The following KIAA1671 variants were observed in gnomAD, a reference collection of about 807,000 sequenced individuals.
KIAA1671 encodes uncharacterized protein KIAA1671.
A neutral mutation model predicts 131.2 loss-of-function variants in KIAA1671; 52 were observed. That is an observed-to-expected ratio of 0.40 (90% CI 0.32 to 0.50). KIAA1671 has a LOEUF of 0.50. KIAA1671 is among the 20% of genes least tolerant of loss of function. KIAA1671 has a pLI of 0.73. For missense variants in KIAA1671, 2,360 were observed against 2,364.2 expected (o/e 1.00, Z 0.04); for synonymous variants, 1,003 against 961.6 (o/e 1.04, Z -0.80).
intron 1 of KIAA1671, among the ~76,000 whole-genome samples, chr22:24,974,584 G>C (rs111606450): frequency 1.6e-4 from 24 of 151,048 alleles, no homozygotes; most frequent in African/African-American, 5.6e-4. Flanking sequence ...CTTGATATGT[G>C]TATACCACCT....
At chr22:25,041,871 A>G (rs1369698984) in intron 5 of KIAA1671, among the ~76,000 whole-genome samples, 2 of 152,148 alleles carry the variant, frequency 1.3e-5, no homozygotes, top group African/African-American at 2.4e-5. Flanking sequence ...CAGCCTCCCA[A>G]ATAGCTGGGA....
intron 1 of KIAA1671, among the ~76,000 whole-genome samples, chr22:24,973,747 T>A (rs1282745377): frequency 1.3e-5 from 2 of 152,138 alleles, no homozygotes; most frequent in African/African-American, 4.8e-5. Flanking sequence ...CTGTCTCTAC[T>A]ATGGAAATAT....
Position 25,029,080 on chromosome 22 carries a change from A to G in KIAA1671, c.1081A>G (p.Lys361Glu). ...IRERKEKMLS[K>E]PEMGSPRALV... ...TGAACGGAAGGAGAAGATGCTTTCG[A>G]AGCCGGAGATGGGCAGCCCCAGAGC... Residue 361 changes from lysine to glutamate, a missense_variant, in exon 3 of 13, where the codon AAG becomes GAG. Physicochemically the swap from Lys to Glu is moderately conservative, Grantham distance 56. Transcript: ENST00000358431. 3.3e-6 allele frequency: 5 copies of G among 1,497,078 alleles called. No individual in the cohort carries two copies. The highest frequency in any genetic ancestry group is 4.5e-6 in the Non-Finnish European group (5 of 1,120,970). 92.7% of individuals were successfully genotyped at this position (1,497,078 alleles called of 1,614,324 possible). A position where few individuals can be genotyped will look rare whatever the true frequency, so the allele number is the denominator to read the frequency against.
chr22:25,016,262 G>A (rs1925313405), intron 1 of KIAA1671, among the ~76,000 whole-genome samples: 1 of 151,936 alleles, frequency 6.6e-6, no homozygotes, highest in African/African-American at 2.4e-5. Flanking sequence ...CTCGTGATCC[G>A]CCCGCCTCGG....
At position 25,181,691 on chromosome 22, in the gene KIAA1671, T is replaced by G; in HGVS notation, c.5075-8T>G. On this transcript the variant is annotated splice_region_variant and splice_polypyrimidine_tract_variant and intron_variant, in intron 9 of 12. Transcript: ENST00000358431. ...CTGATGAATTCAGTGCCCTTTTCTT[T>G]GCAACAGAGGAGAAATCACCCAGGA... 6.4e-7 allele frequency: 1 copy of G among 1,551,324 alleles called. No homozygotes were observed. Among genetic ancestry groups the G allele is most frequent in the Non-Finnish European group, 8.7e-7 (1 of 1,146,772 alleles).
At chr22:25,095,338 A>C (rs965509335) in intron 6 of KIAA1671, among the ~76,000 whole-genome samples, 1 of 152,232 alleles carries the variant, frequency 6.6e-6, no homozygotes, top group Non-Finnish European at 1.5e-5. Context: ...TAAAAATTAC[A>C]AATGCTATGC....
Position 24,963,746 on chromosome 22 carries a change from C to T in KIAA1671, c.-208+10974C>T, listed in dbSNP as rs1188825120. Among the ~76,000 whole-genome samples, 5 of 151,682 alleles carry T rather than the reference C, an allele frequency of 3.3e-5. No homozygotes were observed. In the South Asian group the frequency reaches 1.0e-3, roughly 32 times the overall value. On this transcript the variant is annotated intron_variant, in intron 1 of 12. Transcript: ENST00000358431. ...ACGAGGTCAGGAGATCAAGACCATC[C>T]TGGCTAACATGGTGAAACCCCGTCT... is the stretch of plus-strand genomic sequence containing the variant.
chr22:25,185,170 A>G, intron 11 of KIAA1671, 51 bp downstream of exon 11: 1 of 1,483,324 alleles, frequency 6.7e-7, no homozygotes, highest in Non-Finnish European at 9.0e-7. Flanking sequence ...CTCAGGCTAT[A>G]CTTCTAGAGA....
chr22:25,157,528 T>G (rs1440114760), intron 6 of KIAA1671, among the ~76,000 whole-genome samples: 1 of 152,222 alleles, frequency 6.6e-6, no homozygotes, highest in South Asian at 2.1e-4. Context: ...GTTAAATACA[T>G]TTTTTAAAAC....
intron 1 of KIAA1671, among the ~76,000 whole-genome samples, chr22:24,961,810 G>A (rs1308081872): frequency 2.6e-5 from 4 of 152,248 alleles, no homozygotes; most frequent in African/African-American, 7.2e-5. Context: ...TTCTGATGGG[G>A]TAGGACGGGT....
chr22:25,148,424 G>A (rs1296351660), intron 6 of KIAA1671, among the ~76,000 whole-genome samples: 1 of 152,180 alleles, frequency 6.6e-6, no homozygotes, highest in Non-Finnish European at 1.5e-5. Flanking sequence ...AGAGAGTTAT[G>A]AGTAAGGAGA....
At chr22:25,182,732 G>A (rs1934335949) in intron 10 of KIAA1671, among the ~76,000 whole-genome samples, 1 of 152,164 alleles carries the variant, frequency 6.6e-6, no homozygotes, top group Non-Finnish European at 1.5e-5. Context: ...TTGCTTATCT[G>A]TAAAGTGGGC....
intron 6 of KIAA1671, among the ~76,000 whole-genome samples, chr22:25,117,585 C>CCACACACACACACACACACACA (rs4049524): frequency 7.3e-5 from 9 of 123,894 alleles, no homozygotes; most frequent in African/African-American, 1.9e-4. Context: ...TCTCCCCCAA[C>CCACACACACACACACACACACA]CACACACACA....
chr22:25,028,210 T>C lies in KIAA1671; in HGVS notation c.211T>C (p.Phe71Leu). The C allele has an allele frequency of 6.4e-7, 1 of 1,551,094 alleles. No individual in the cohort carries two copies. Among genetic ancestry groups the C allele is most frequent in the Non-Finnish European group, 8.7e-7 (1 of 1,146,660 alleles). Residue 71 changes from phenylalanine to leucine, a missense_variant, in exon 3 of 13, where the codon TTC becomes CTC. Physicochemically the swap from Phe to Leu is conservative, Grantham distance 22. Coordinates refer to ENST00000358431, the MANE Select transcript of KIAA1671 (RefSeq NM_001145206.2). Reference protein sequence around the residue: ...LPLPRLAPKPFSKEQDVKSPV... With the variant: ...LPLPRLAPKPLSKEQDVKSPV... ...TCTGCCAAGGCTCGCCCCCAAACCCTTCTCGAAGGAGCAGGACGTGAAATC... is the reference window on the plus strand; with the variant it reads ...TCTGCCAAGGCTCGCCCCCAAACCCCTCTCGAAGGAGCAGGACGTGAAATC...
chr22:25,105,447 A>C (rs1930947603), intron 6 of KIAA1671, among the ~76,000 whole-genome samples: 1 of 152,086 alleles, frequency 6.6e-6, no homozygotes, highest in African/African-American at 2.4e-5. Flanking sequence ...CATTTTTTGG[A>C]TTAATTATGT....
At chr22:25,114,513 C>T (rs1051223757) in intron 6 of KIAA1671, among the ~76,000 whole-genome samples, 2 of 152,208 alleles carry the variant, frequency 1.3e-5, no homozygotes, top group Non-Finnish European at 2.9e-5. Context: ...GGACCCCCTG[C>T]CTAGGGGTTG....
chr22:25,006,421 G>A (rs1924755493), intron 1 of KIAA1671, among the ~76,000 whole-genome samples: 1 of 152,192 alleles, frequency 6.6e-6, no homozygotes, highest in African/African-American at 2.4e-5. Context: ...ATTTGATGCT[G>A]TGAAATGCTT....
chr22:25,188,514 G>T (rs1037095256), intron 11 of KIAA1671, among the ~76,000 whole-genome samples: 2 of 149,244 alleles, frequency 1.3e-5, no homozygotes, highest in Non-Finnish European at 3.0e-5. Context: ...GTTGATCCCT[G>T]AACAAGGCAG....
chr22:25,015,494 G>A (rs570724966), intron 1 of KIAA1671, among the ~76,000 whole-genome samples: 8 of 152,230 alleles, frequency 5.3e-5, no homozygotes, highest in Non-Finnish European at 1.2e-4. Flanking sequence ...TTGAAAAGGC[G>A]GAGGTTAAGC....
Sources: allele counts gnomAD v4.1 joint callset (sites outside exome capture counted in the v4.1 genomes callset), GRCh38; gene constraint gnomAD v4.1.1; transcripts MANE v1.5; gene names NCBI Gene and HGNC (gene_info 2026-07-23, HGNC 2026-07-21).